The following CFAP206 variants were observed in gnomAD, a reference collection of about 807,000 sequenced individuals.
CFAP206 encodes cilia and flagella associated protein 206.
Under a neutral mutation model 65.4 loss-of-function variants are expected in CFAP206, and 53 were observed. The ratio of observed to expected loss-of-function variants is 0.81; its 90% CI spans 0.65 to 1.02. The LOEUF is 1.02. Ranked by LOEUF, CFAP206 falls within the 50% of genes least tolerant of loss-of-function variation. CFAP206 has a pLI of 0.00. For missense variants in CFAP206, 663 were observed against 753.2 expected, an observed-to-expected ratio of 0.88 and a Z score of 1.40; for synonymous variants, 250 against 254.4, an observed-to-expected ratio of 0.98 and a Z score of 0.17.
chr6:87,457,390 G>A (rs560866781), intron 11 of CFAP206, among the ~76,000 whole-genome samples: 1 of 152,090 alleles, frequency 6.6e-6, no homozygotes, highest in Admixed American at 6.5e-5. Context: ...CAAAACTGGA[G>A]GAATCACATT....
chr6:87,423,065 C>A (rs1466400700), intron 7 of CFAP206, among the ~76,000 whole-genome samples: 1 of 151,724 alleles, frequency 6.6e-6, no homozygotes, highest in Admixed American at 6.6e-5. Flanking sequence ...TACAGACACG[C>A]GCCACCACGC....
In CFAP206 at chr6:87,415,784, G is replaced by A. The variant is rs769176100; in HGVS notation, c.382G>A (p.Glu128Lys). Reference sequence around the variant, plus strand: ...CAGAGCATGTGCTAAAGAAGAATTGGAAAGCCTCTACCGGAAGATTATCAG... The same window carrying A: ...CAGAGCATGTGCTAAAGAAGAATTGAAAAGCCTCTACCGGAAGATTATCAG... Reference protein sequence around the residue: ...DNRACAKEELESLYRKIISYV... With the variant: ...DNRACAKEELKSLYRKIISYV... The change falls in exon 5 of 13, where the codon GAA (glutamate) becomes AAA (lysine). Residue 128 changes from glutamate (E) to lysine (K), a missense_variant. Physicochemically the swap from Glu to Lys is moderately conservative, Grantham distance 56. Transcript: ENST00000369562. 46 of 1,613,504 alleles carry A rather than the reference G, an allele frequency of 2.9e-5. No individual in the cohort carries two copies. Among genetic ancestry groups the A allele is most frequent in the Non-Finnish European group, 3.8e-5 (45 of 1,179,780 alleles).
chr6:87,408,433 A>C (rs961133335), intron 1 of CFAP206: 4 of 152,254 alleles, frequency 2.6e-5, no homozygotes, highest in Non-Finnish European at 5.9e-5. Flanking sequence ...CCGCGTCCCT[A>C]GCGACCCGGC....
intron 4 of CFAP206, among the ~76,000 whole-genome samples, chr6:87,414,722 A>T (rs1056952578): frequency 1.3e-5 from 2 of 152,166 alleles, no homozygotes; most frequent in Non-Finnish European, 2.9e-5. Flanking sequence ...TTCTCTATGG[A>T]CTACCTCTAC....
In CFAP206 at chr6:87,424,036, A is replaced by G. The variant is rs112158174; in HGVS notation, c.841-2490A>G. Among the ~76,000 whole-genome samples, 720 of 152,254 alleles carry G rather than the reference A, an allele frequency of 4.7e-3. 3 individuals are homozygous for G. Among genetic ancestry groups the G allele is most frequent in the Non-Finnish European group, 7.6e-3 (518 of 68,010 alleles). On this transcript the variant is annotated intron_variant, in intron 7 of 12. Coordinates refer to ENST00000369562, the MANE Select transcript of CFAP206 (RefSeq NM_001031743.3). ...AATAGATGTCATTCTTTTATGCTAT[A>G]CTGATAAACCCACACCACAACCATT... is the stretch of plus-strand genomic sequence containing the variant.
chr6:87,463,472 T>C (rs539793956), intron 12 of CFAP206, among the ~76,000 whole-genome samples: 1 of 152,332 alleles, frequency 6.6e-6, no homozygotes, highest in African/African-American at 2.4e-5. Flanking sequence ...TTCTTCTTTT[T>C]ATAAGCTCCT....
chr6:87,443,156 T>C (rs965166121), intron 11 of CFAP206, among the ~76,000 whole-genome samples: 4 of 152,132 alleles, frequency 2.6e-5, no homozygotes, highest in Non-Finnish European at 5.9e-5. Flanking sequence ...TTACAGGAAT[T>C]TTTTCCAGGT....
chr6:87,423,364 T>G (rs1767981916), intron 7 of CFAP206, among the ~76,000 whole-genome samples: 1 of 152,024 alleles, frequency 6.6e-6, no homozygotes, highest in Non-Finnish European at 1.5e-5. Context: ...TTCTCCTGCC[T>G]CAGCCTCTCG....
chr6:87,421,442 T>C (rs937918951), intron 7 of CFAP206, among the ~76,000 whole-genome samples: 5 of 152,006 alleles, frequency 3.3e-5, no homozygotes, highest in Non-Finnish European at 7.4e-5. Context: ...GCTGAGATCG[T>C]GCCACTGCAT....
chr6:87,450,474 AATGT>A (rs1257273154), intron 11 of CFAP206, among the ~76,000 whole-genome samples: 1 of 105,026 alleles, frequency 9.5e-6, no homozygotes, highest in African/African-American at 3.7e-5. Flanking sequence ...AATAAATGAA[AATGT>A]GTGTGTGTGT....
At chr6:87,420,436 A>G (rs996052099) in intron 7 of CFAP206, among the ~76,000 whole-genome samples, 4 of 152,216 alleles carry the variant, frequency 2.6e-5, no homozygotes, top group Non-Finnish European at 5.9e-5. Flanking sequence ...ACAGCTGGAG[A>G]GGACAGTGAG....
In CFAP206 at chr6:87,408,069, C is replaced by T; in HGVS notation, c.-26C>T. On this transcript the variant is annotated 5_prime_UTR_variant, in exon 1 of 13. Coordinates refer to ENST00000369562, the MANE Select transcript of CFAP206 (RefSeq NM_001031743.3). ...GGACAGAAGCAGACAGACACGGCTC[C>T]TGCTGTCGATTCCGATCCAGGTCAG... 1.8e-5 allele frequency: 18 copies of T among 985,470 alleles called. No homozygotes were observed. The highest frequency in any genetic ancestry group is 2.2e-5 in the Non-Finnish European group (18 of 829,966). The allele number at this position is 985,470 out of a possible 1,614,324, so 61.0% of individuals were successfully genotyped here. A position where few individuals can be genotyped will look rare whatever the true frequency, so the allele number is the denominator to read the frequency against.
chr6:87,432,320 G>A (rs777586001), intron 10 of CFAP206, among the ~76,000 whole-genome samples: 3 of 152,050 alleles, frequency 2.0e-5, no homozygotes, highest in Non-Finnish European at 4.4e-5. Context: ...ATTTACTGTG[G>A]GAAGTTGAAA....
intron 3 of CFAP206, among the ~76,000 whole-genome samples, chr6:87,413,550 A>T (rs1040319395): frequency 6.6e-6 from 1 of 152,168 alleles, no homozygotes; most frequent in Non-Finnish European, 1.5e-5. Context: ...CTAAAAGCCC[A>T]GGCTTCACCA....
At chr6:87,449,455 A>G in intron 11 of CFAP206, among the ~76,000 whole-genome samples, 1 of 151,524 alleles carries the variant, frequency 6.6e-6, no homozygotes. Flanking sequence ...AAAAAAAAAA[A>G]AAAAAAGAGT....
At chr6:87,424,726 T>C (rs1252744378) in intron 7 of CFAP206, among the ~76,000 whole-genome samples, 2 of 152,228 alleles carry the variant, frequency 1.3e-5, no homozygotes, top group Non-Finnish European at 2.9e-5. Flanking sequence ...TTTCATACTT[T>C]ATTCCTTGTA....
chr6:87,430,018 A>G (rs1311485377), intron 9 of CFAP206, among the ~76,000 whole-genome samples: 2 of 152,186 alleles, frequency 1.3e-5, no homozygotes, highest in African/African-American at 4.8e-5. Flanking sequence ...TTTACCTGCA[A>G]CTTCTTAGAT....
intron 7 of CFAP206, among the ~76,000 whole-genome samples, chr6:87,426,289 A>C (rs1249956436): frequency 1.3e-5 from 2 of 152,240 alleles, no homozygotes; most frequent in African/African-American, 4.8e-5. Context: ...ACCTGTATAC[A>C]TTTAAGAAAA....
At chr6:87,416,854 A>C (rs367983024) in intron 6 of CFAP206, 27 bp downstream of exon 6, 2 of 1,578,906 alleles carry the variant, frequency 1.3e-6, no homozygotes, top group Non-Finnish European at 1.7e-6. Context: ...ATTAATTCTA[A>C]AGGTTATGTA....
Sources: gnomAD v4.1 joint callset for allele counts (sites outside exome capture counted in the v4.1 genomes callset) on GRCh38, gnomAD v4.1.1 for gene constraint, MANE v1.5 for transcripts, NCBI Gene and HGNC (gene_info 2026-07-23, HGNC 2026-07-21) for gene names.